Variants in PLXDC2 observed in about 807,000 individuals in gnomAD.
PLXDC2 encodes plexin domain containing 2.
Under a neutral mutation model 68.9 loss-of-function variants are expected in PLXDC2, and 40 were observed. The observed-to-expected ratio is 0.58, with a 90% CI of 0.45 to 0.76. PLXDC2 has a LOEUF of 0.76. Among genes scored for constraint, PLXDC2 ranks in the 30% least tolerant of loss-of-function variants. The pLI, the probability that PLXDC2 is intolerant of heterozygous loss-of-function variation, is 0.00. For synonymous variants in PLXDC2, 243 were observed against 234.2 expected (o/e 1.04, Z -0.34); for missense variants, 644 against 661.9 (o/e 0.97, Z 0.30).
rs34129216 is a variant in PLXDC2, at chr10:19,856,379, G to GACACAC, written c.112+39217_112+39222dup. 3.8e-3 allele frequency among the ~76,000 whole-genome samples: 551 copies of GACACAC among 144,224 alleles called. 1 individual carries two copies. Among genetic ancestry groups the GACACAC allele is most frequent in the South Asian group, 7.7e-3 (34 of 4,388 alleles). The allele number at this position is 144,224 out of a possible 152,430, so 94.6% of individuals were successfully genotyped here. A position where few individuals can be genotyped will look rare whatever the true frequency, so the allele number is the denominator to read the frequency against. On this transcript the variant is annotated intron_variant, in intron 1 of 13. Transcript: ENST00000377252. ...ATACACACACAAACACACACACACA[G>GACACAC]ACACACACACACACACACACACACA... is the stretch of plus-strand genomic sequence containing the variant.
intron 7 of PLXDC2, among the ~76,000 whole-genome samples, chr10:20,166,734 A>T (rs959420833): frequency 1.1e-4 from 16 of 151,974 alleles, no homozygotes; most frequent in South Asian, 2.1e-4. Context: ...AAATACAAAA[A>T]TTTTTTTTAC....
At chr10:20,269,645 A>G (rs1835910875) in intron 13 of PLXDC2, among the ~76,000 whole-genome samples, 1 of 152,132 alleles carries the variant, frequency 6.6e-6, no homozygotes, top group Non-Finnish European at 1.5e-5. Flanking sequence ...TAGATGGAAG[A>G]TATGGTAGGC....
At chr10:19,942,140 G>C (rs1036935322) in intron 1 of PLXDC2, among the ~76,000 whole-genome samples, 2 of 152,144 alleles carry the variant, frequency 1.3e-5, no homozygotes, top group Admixed American at 6.5e-5. Flanking sequence ...TAATTTTGCA[G>C]TCATTCTCTA....
rs1437032916 is a variant in PLXDC2 at position 19,875,819 on chromosome 10, G to A, written c.112+58628G>A. On this transcript the variant is annotated intron_variant, in intron 1 of 13. Coordinates refer to ENST00000377252, the MANE Select transcript of PLXDC2 (RefSeq NM_032812.9). The stretch of plus-strand genomic sequence containing the variant: ...AAAATACGAGCATTTGAGAATCAGA[G>A]AGATGAGAGATTTTTGTCCTCTCTC... Among the ~76,000 whole-genome samples, 5 of 152,300 alleles carry A rather than the reference G, an allele frequency of 3.3e-5. No individual in the cohort carries two copies. In the East Asian group the frequency reaches 5.8e-4, roughly 18 times the overall value.
At chr10:20,218,968 G>A (rs956754078) in intron 11 of PLXDC2, 96 bp from the exon 12 acceptor site, 26 of 1,351,386 alleles carry the variant, frequency 1.9e-5, no homozygotes, top group South Asian at 2.6e-5. Flanking sequence ...GTCATGTTCC[G>A]ACCAAGGCAG....
At chr10:19,944,544 G>T (rs934487718) in intron 1 of PLXDC2, among the ~76,000 whole-genome samples, 1 of 152,208 alleles carries the variant, frequency 6.6e-6, no homozygotes, top group African/African-American at 2.4e-5. Context: ...GAATTGGGCA[G>T]TCCCTGAAAA....
intron 2 of PLXDC2, among the ~76,000 whole-genome samples, chr10:20,024,539 C>T (rs1043335925): frequency 6.6e-6 from 1 of 152,080 alleles, no homozygotes. Context: ...ACTTTTTTTC[C>T]AGAGGAAAAT....
chr10:19,932,747 A>G (rs942305072), intron 1 of PLXDC2, among the ~76,000 whole-genome samples: 1 of 140,230 alleles, frequency 7.1e-6, no homozygotes, highest in Non-Finnish European at 1.7e-5. Flanking sequence ...ATGTTATGGG[A>G]ATTAAAAAAA....
chr10:19,833,433 TC>T (rs1836731836), intron 1 of PLXDC2, among the ~76,000 whole-genome samples: 1 of 152,224 alleles, frequency 6.6e-6, no homozygotes, highest in South Asian at 2.1e-4. Context: ...ACCCTCCCAC[TC>T]ACTCATTGAT....
chr10:20,067,938 G>T, intron 3 of PLXDC2, among the ~76,000 whole-genome samples: 1 of 152,240 alleles, frequency 6.6e-6, no homozygotes, highest in Non-Finnish European at 1.5e-5. Context: ...TTATTCAGTG[G>T]ACAACTAAAA....
At chr10:20,089,032 G>A (rs1833238614) in intron 4 of PLXDC2, among the ~76,000 whole-genome samples, 1 of 152,154 alleles carries the variant, frequency 6.6e-6, no homozygotes, top group Non-Finnish European at 1.5e-5. Flanking sequence ...AGCAGTGGAT[G>A]ATTGAATCTG....
chr10:20,228,613 GGAAA>G (rs1835317951), intron 12 of PLXDC2, among the ~76,000 whole-genome samples: 1 of 127,932 alleles, frequency 7.8e-6, no homozygotes, highest in Admixed American at 8.0e-5. Flanking sequence ...GAAGGAAGGA[GGAAA>G]GAAGGAAGGA....
At chr10:20,013,498 G>A (rs914818294) in intron 2 of PLXDC2, among the ~76,000 whole-genome samples, 1 of 151,364 alleles carries the variant, frequency 6.6e-6, no homozygotes, top group Admixed American at 6.6e-5. Flanking sequence ...TTTGATTCTC[G>A]GTTTTTTTCC....
At chr10:20,244,944 A>G (rs2778980) in intron 12 of PLXDC2, among the ~76,000 whole-genome samples, 129,952 of 151,986 alleles carry the variant, frequency 0.86, 56,035 homozygotes, top group Middle Eastern at 0.94. Context: ...GTGAAATCCC[A>G]TCTCCACTAA....
intron 1 of PLXDC2, among the ~76,000 whole-genome samples, chr10:19,830,857 TG>T (rs1211823375): frequency 2.2e-4 from 33 of 152,326 alleles, no homozygotes; most frequent in Admixed American, 1.9e-3. Context: ...AGCTGGGATT[TG>T]TTACTTGCTG....
chr10:19,970,899 A>G (rs1195022423), intron 1 of PLXDC2, among the ~76,000 whole-genome samples: 1 of 152,096 alleles, frequency 6.6e-6, no homozygotes, highest in Non-Finnish European at 1.5e-5. Flanking sequence ...TAGACTAAAC[A>G]TGTTCTTCCG....
chr10:20,246,572 A>G (rs2119337752), intron 13 of PLXDC2, among the ~76,000 whole-genome samples: 1 of 152,072 alleles, frequency 6.6e-6, no homozygotes, highest in East Asian at 1.9e-4. Context: ...CTGGTCTCAA[A>G]CTCCTGACCA....
At chr10:19,928,575 A>T (rs1391312264) in intron 1 of PLXDC2, among the ~76,000 whole-genome samples, 1 of 152,046 alleles carries the variant, frequency 6.6e-6, no homozygotes, top group African/African-American at 2.4e-5. Flanking sequence ...CACTTGGGAG[A>T]CCATCCCGTG....
intron 2 of PLXDC2, among the ~76,000 whole-genome samples, chr10:20,015,142 C>T (rs1193788821): frequency 2.0e-5 from 3 of 152,186 alleles, no homozygotes; most frequent in South Asian, 4.1e-4. Flanking sequence ...ACAGAGCTTT[C>T]CCCCAGTCAT....
Sources: gnomAD v4.1 joint callset for allele counts (sites outside exome capture counted in the v4.1 genomes callset) on GRCh38, gnomAD v4.1.1 for gene constraint, MANE v1.5 for transcripts, NCBI Gene and HGNC (gene_info 2026-07-23, HGNC 2026-07-21) for gene names.